LRMDA: variants seen among roughly 807,000 people sequenced by gnomAD.
LRMDA encodes the protein leucine rich melanocyte differentiation associated, also known as leucine-rich melanocyte differentiation-associated protein.
Under a neutral mutation model 29.8 loss-of-function variants are expected in LRMDA, and 18 were observed. The ratio of observed to expected loss-of-function variants is 0.60; its 90% CI spans 0.42 to 0.90. The LOEUF (loss-of-function observed/expected upper bound fraction) is 0.90, where lower values mean the gene tolerates loss of function less well. Among genes scored for constraint, LRMDA ranks in the 40% least tolerant of loss-of-function variants. LRMDA has a pLI of 0.00. For missense variants in LRMDA, 273 were observed against 273.9 expected, an observed-to-expected ratio of 1.00 and a Z score of 0.02; for synonymous variants, 125 against 109.4, an observed-to-expected ratio of 1.14 and a Z score of -0.89.
intron 6 of LRMDA, among the ~76,000 whole-genome samples, chr10:76,413,429 G>A (rs949161098): frequency 2.6e-5 from 4 of 152,144 alleles, no homozygotes; most frequent in African/African-American, 9.7e-5. Flanking sequence ...ATCTTACATG[G>A]CAGCAAGCAA....
intron 2 of LRMDA, among the ~76,000 whole-genome samples, chr10:75,619,790 TACTCTGGTCATAGCCAGACTGC>T (rs941844413): frequency 1.3e-5 from 2 of 152,170 alleles, no homozygotes; most frequent in Admixed American, 6.5e-5. Flanking sequence ...CTGCAAACTG[TACTCTGGTCATAGCCAGACTGC>T]ACTCTGGTCA....
At chr10:75,616,028 T>G (rs1321559549) in intron 2 of LRMDA, among the ~76,000 whole-genome samples, 1 of 152,208 alleles carries the variant, frequency 6.6e-6, no homozygotes, top group Non-Finnish European at 1.5e-5. Flanking sequence ...TACCAGAGAC[T>G]GTTTCTTTAA....
chr10:76,341,718 T>C (rs1254444130), intron 6 of LRMDA, among the ~76,000 whole-genome samples: 2 of 152,180 alleles, frequency 1.3e-5, no homozygotes, highest in African/African-American at 4.8e-5. Flanking sequence ...GTTTGGTTGT[T>C]GATGCTGGCT....
chr10:76,188,507 T>TG (rs1252143221), intron 5 of LRMDA, among the ~76,000 whole-genome samples: 1 of 152,158 alleles, frequency 6.6e-6, no homozygotes, highest in Non-Finnish European at 1.5e-5. Flanking sequence ...CTGGCTTGAC[T>TG]GGGGTCGGCT....
intron 2 of LRMDA, among the ~76,000 whole-genome samples, chr10:75,935,195 C>T (rs988587418): frequency 6.6e-6 from 1 of 152,178 alleles, no homozygotes; most frequent in Admixed American, 6.5e-5. Flanking sequence ...CCTTGAGGAT[C>T]CCAAGAAAGA....
At chr10:76,101,324 G>A (rs773795973) in intron 5 of LRMDA, among the ~76,000 whole-genome samples, 4 of 152,174 alleles carry the variant, frequency 2.6e-5, no homozygotes, top group Admixed American at 1.3e-4. Flanking sequence ...TTGTTACCTG[G>A]TAGTAAGGCT....
rs1247618983 is a variant in LRMDA at position 75,870,801 on chromosome 10, TATTTACCCC to T, written c.132-165206_132-165198del. Among the ~76,000 whole-genome samples the T allele has an allele frequency of 2.6e-5, 4 of 152,308 alleles. No homozygotes were observed. In the East Asian group the frequency reaches 7.7e-4, roughly 29 times the overall value. On this transcript the variant is annotated intron_variant, in intron 2 of 6. Transcript: ENST00000611255. ...TAGAGTGCTTGTAGCAAAATTGTGA[TATTTACCCC>T]TGTCTCCATGCCGATGATTTCCAGT...
At chr10:75,922,298 C>T (rs890957165) in intron 2 of LRMDA, among the ~76,000 whole-genome samples, 3 of 152,196 alleles carry the variant, frequency 2.0e-5, no homozygotes, top group Admixed American at 6.5e-5. Context: ...TCATTATTCC[C>T]AGGCATGACA....
At position 75,482,973 on chromosome 10, in the gene LRMDA, C is replaced by G. The variant is rs1006291498; in HGVS notation, c.131+44479C>G. Among the ~76,000 whole-genome samples, 4 of 151,044 alleles carry G rather than the reference C, an allele frequency of 2.6e-5. No individual in the cohort carries two copies. The East Asian group carries it at 7.8e-4, about 29-fold the overall frequency. Reference sequence around the variant, plus strand: ...CTTCTTTTTTTTTTTGAGACAGAGTCTCACTCTGTAGCCCAAGCTGGAGTG... The same window carrying G: ...CTTCTTTTTTTTTTTGAGACAGAGTGTCACTCTGTAGCCCAAGCTGGAGTG... On this transcript the variant is annotated intron_variant, in intron 2 of 6. Coordinates refer to ENST00000611255, the MANE Select transcript of LRMDA (RefSeq NM_001305581.2).
chr10:75,881,626 C>T (rs1226933456), intron 2 of LRMDA, among the ~76,000 whole-genome samples: 2 of 152,112 alleles, frequency 1.3e-5, no homozygotes. Context: ...CGTTGCTTTC[C>T]ACAACCAGTG....
At position 76,004,349 on chromosome 10, in the gene LRMDA, G is replaced by T. The variant is rs530655863; in HGVS notation, c.132-31659G>T. Among the ~76,000 whole-genome samples, 276 of 152,340 alleles carry T rather than the reference G, an allele frequency of 1.8e-3. 2 individuals carry two copies. The highest frequency in any genetic ancestry group is 6.2e-3 in the African/African-American group (259 of 41,570). The stretch of plus-strand genomic sequence containing the variant: ...ATTTTCTGAACCAGCAGATGACTTT[G>T]CCTCCTATGTAGAGTGAGAGCAGAC... On this transcript the variant is annotated intron_variant, in intron 2 of 6. Coordinates refer to ENST00000611255, the MANE Select transcript of LRMDA (RefSeq NM_001305581.2).
At chr10:75,603,031 T>C (rs1043342779) in intron 2 of LRMDA, among the ~76,000 whole-genome samples, 2 of 152,216 alleles carry the variant, frequency 1.3e-5, no homozygotes, top group Non-Finnish European at 2.9e-5. Flanking sequence ...TCAAATGTAT[T>C]GAAGATGTTT....
intron 6 of LRMDA, among the ~76,000 whole-genome samples, chr10:76,327,968 G>A (rs74148424): frequency 0.016 from 2,424 of 152,324 alleles, 67 homozygotes; most frequent in African/African-American, 0.055. Flanking sequence ...ATGAATTGAA[G>A]TAACTGATGG....
At chr10:75,491,698 A>G (rs571668611) in intron 2 of LRMDA, among the ~76,000 whole-genome samples, 1 of 152,246 alleles carries the variant, frequency 6.6e-6, no homozygotes, top group Admixed American at 6.5e-5. Flanking sequence ...CCTAGGGGAT[A>G]AGACAAGTTG....
Position 75,693,639 on chromosome 10 carries a change from G to A in LRMDA, c.131+255145G>A, listed in dbSNP as rs542490730. Among the ~76,000 whole-genome samples, 98 of 152,288 alleles carry A rather than the reference G, an allele frequency of 6.4e-4. 1 individual carries two copies. The highest frequency in any genetic ancestry group is 3.4e-3 in the Middle Eastern group (1 of 294). On this transcript the variant is annotated intron_variant, in intron 2 of 6. Coordinates refer to ENST00000611255, the MANE Select transcript of LRMDA (RefSeq NM_001305581.2). The stretch of plus-strand genomic sequence containing the variant: ...GCCTTGTTTTATATTGGCTGTCAGC[G>A]CTTAACTGGGACTGAAGTATCTGGG...
intron 2 of LRMDA, among the ~76,000 whole-genome samples, chr10:75,441,018 C>T (rs993410429): frequency 6.7e-6 from 1 of 148,236 alleles, no homozygotes. Flanking sequence ...GCCTGGGCAA[C>T]AAGGGTGAAA....
At chr10:75,722,035 T>TA (rs1300563981) in intron 2 of LRMDA, among the ~76,000 whole-genome samples, 2 of 152,142 alleles carry the variant, frequency 1.3e-5, no homozygotes, top group African/African-American at 2.4e-5. Flanking sequence ...GGCAAGATTA[T>TA]AAAAAATGGC....
chr10:75,489,967 C>T (rs1050733993), intron 2 of LRMDA, among the ~76,000 whole-genome samples: 1 of 151,986 alleles, frequency 6.6e-6, no homozygotes, highest in Admixed American at 6.6e-5. Flanking sequence ...TAGAACAACC[C>T]AATGGGATAT....
intron 2 of LRMDA, among the ~76,000 whole-genome samples, chr10:75,857,277 G>A (rs949269104): frequency 6.6e-6 from 1 of 152,154 alleles, no homozygotes; most frequent in Non-Finnish European, 1.5e-5. Flanking sequence ...TGGCGGGTTG[G>A]GGGCCAGAGG....
Sources: gnomAD v4.1 joint callset for allele counts (sites outside exome capture counted in the v4.1 genomes callset) on GRCh38, gnomAD v4.1.1 for gene constraint, MANE v1.5 for transcripts, NCBI Gene and HGNC (gene_info 2026-07-23, HGNC 2026-07-21) for gene names.